NEGR1: variants seen among roughly 807,000 people sequenced by gnomAD.
NEGR1 encodes the protein neuronal growth regulator 1.
In NEGR1, 10 loss-of-function variants were observed where a neutral mutation model predicts 40.9. The observed-to-expected ratio is 0.24, with a 90% CI of 0.15 to 0.42. NEGR1 has a LOEUF of 0.42. Among genes scored for constraint, NEGR1 ranks in the 10% least tolerant of loss-of-function variants. NEGR1 has a pLI of 1.00. For synonymous variants in NEGR1, 185 were observed against 166.8 expected (o/e 1.11, Z -0.84); for missense variants, 352 against 438.9 (o/e 0.80, Z 1.77).
At chr1:71,859,591 T>C (rs1023943890) in intron 2 of NEGR1, among the ~76,000 whole-genome samples, 7 of 152,028 alleles carry the variant, frequency 4.6e-5, no homozygotes, top group Non-Finnish European at 1.0e-4. Context: ...AGAACATGAC[T>C]GCGTTCCGAT....
rs910383644 is a variant in NEGR1, at chr1:71,750,666, T to C, written c.535+25506A>G. ...GGAAAAACCCACCCCCATGATTCAA[T>C]TACCTCCCACTGGGTCCCTCCCATA... On this transcript the variant is annotated intron_variant, in intron 3 of 6. Coordinates refer to ENST00000357731, the MANE Select transcript of NEGR1 (RefSeq NM_173808.3). Among the ~76,000 whole-genome samples the C allele has an allele frequency of 2.0e-5, 3 of 152,100 alleles. No homozygotes were observed. The East Asian group carries it at 5.8e-4, about 29-fold the overall frequency.
intron 1 of NEGR1, among the ~76,000 whole-genome samples, chr1:72,202,967 C>G (rs1653268664): frequency 6.6e-6 from 1 of 151,110 alleles, no homozygotes; most frequent in African/African-American, 2.5e-5. Flanking sequence ...GACTACTTCT[C>G]AGAAAAAAAA....
chr1:72,178,675 C>CGT (rs371294047), intron 1 of NEGR1, among the ~76,000 whole-genome samples: 22 of 151,618 alleles, frequency 1.5e-4, no homozygotes, highest in African/African-American at 5.3e-4. Flanking sequence ...TTTTCTGCAA[C>CGT]CTTGCCAGCG....
chr1:71,572,744 A>T (rs1473145347), intron 6 of NEGR1, among the ~76,000 whole-genome samples: 2 of 152,244 alleles, frequency 1.3e-5, no homozygotes, highest in African/African-American at 4.8e-5. Context: ...TGGAAACAAC[A>T]CTAGTTAATA....
chr1:71,626,833 G>A (rs187430687), intron 4 of NEGR1, among the ~76,000 whole-genome samples: 1 of 152,044 alleles, frequency 6.6e-6, no homozygotes, highest in Admixed American at 6.6e-5. Flanking sequence ...AAAAGTGGGT[G>A]AAGGATATGA....
intron 6 of NEGR1, among the ~76,000 whole-genome samples, chr1:71,457,018 G>A (rs1190520909): frequency 6.6e-6 from 1 of 152,102 alleles, no homozygotes. Context: ...CGGGATTGGT[G>A]TCTGTGGAAA....
At chr1:71,551,785 G>T (rs1557563780) in intron 6 of NEGR1, among the ~76,000 whole-genome samples, 1 of 151,474 alleles carries the variant, frequency 6.6e-6, no homozygotes, top group Non-Finnish European at 1.5e-5. Flanking sequence ...CTGGGAAGAT[G>T]ATCTTAAATG....
intron 4 of NEGR1, among the ~76,000 whole-genome samples, chr1:71,676,200 G>A (rs1446453466): frequency 6.6e-6 from 1 of 152,106 alleles, no homozygotes; most frequent in East Asian, 1.9e-4. Flanking sequence ...TTTTGTGTGT[G>A]TGTGAACATA....
chr1:71,917,377 T>A (rs1661613169), intron 2 of NEGR1, among the ~76,000 whole-genome samples: 1 of 152,194 alleles, frequency 6.6e-6, no homozygotes, highest in African/African-American at 2.4e-5. Flanking sequence ...AACTCCATAT[T>A]TTAAGGCTTC....
intron 1 of NEGR1, among the ~76,000 whole-genome samples, chr1:71,952,661 T>C (rs776231633): frequency 3.3e-5 from 5 of 151,958 alleles, no homozygotes; most frequent in Non-Finnish European, 5.9e-5. Flanking sequence ...TAAAACTGCC[T>C]TTTATTGGAA....
chr1:72,085,170 A>G (rs1648164935), intron 1 of NEGR1, among the ~76,000 whole-genome samples: 1 of 152,234 alleles, frequency 6.6e-6, no homozygotes, highest in African/African-American at 2.4e-5. Context: ...ATATGTTTTT[A>G]TTAGACAGAA....
At chr1:72,090,966 G>A (rs137910548) in intron 1 of NEGR1, among the ~76,000 whole-genome samples, 1 of 152,294 alleles carries the variant, frequency 6.6e-6, no homozygotes, top group East Asian at 1.9e-4. Flanking sequence ...AGCTTGCAGT[G>A]TACATGCAGA....
At chr1:71,519,687 A>T (rs1466815095) in intron 6 of NEGR1, among the ~76,000 whole-genome samples, 2 of 139,462 alleles carry the variant, frequency 1.4e-5, no homozygotes, top group Non-Finnish European at 3.1e-5. Flanking sequence ...TATGTAACTA[A>T]CCTGCACAAT....
intron 6 of NEGR1, among the ~76,000 whole-genome samples, chr1:71,521,689 T>C (rs979517313): frequency 6.6e-6 from 1 of 152,050 alleles, no homozygotes; most frequent in Admixed American, 6.6e-5. Flanking sequence ...TTTCAATATG[T>C]TACCATTAAG....
chr1:71,862,194 G>C (rs983605262), intron 2 of NEGR1, among the ~76,000 whole-genome samples: 1 of 151,962 alleles, frequency 6.6e-6, no homozygotes, highest in Non-Finnish European at 1.5e-5. Flanking sequence ...TTCACAACAT[G>C]CTGGCAAGTT....
chr1:71,450,116 G>T (rs927173969), intron 6 of NEGR1, among the ~76,000 whole-genome samples: 1 of 151,476 alleles, frequency 6.6e-6, no homozygotes, highest in Non-Finnish European at 1.5e-5. Flanking sequence ...TCAGCCACCT[G>T]AGTAGCTGGG....
At chr1:71,894,642 T>A (rs1660914599) in intron 2 of NEGR1, among the ~76,000 whole-genome samples, 1 of 152,244 alleles carries the variant, frequency 6.6e-6, no homozygotes, top group Admixed American at 6.5e-5. Flanking sequence ...AGCTAACTTA[T>A]CAAATACAGG....
chr1:71,749,033 A>C (rs1655482960), intron 3 of NEGR1, among the ~76,000 whole-genome samples: 1 of 152,192 alleles, frequency 6.6e-6, no homozygotes, highest in South Asian at 2.1e-4. Flanking sequence ...AGAACTTGTT[A>C]ACTTAAAATA....
chr1:71,447,413 T>C (rs1270125379), intron 6 of NEGR1, among the ~76,000 whole-genome samples: 1 of 152,218 alleles, frequency 6.6e-6, no homozygotes, highest in East Asian at 1.9e-4. Flanking sequence ...TCCAGTGTCT[T>C]AGGATATAAT....
Sources: allele counts gnomAD v4.1 joint callset (sites outside exome capture counted in the v4.1 genomes callset), GRCh38; gene constraint gnomAD v4.1.1; transcripts MANE v1.5; gene names NCBI Gene and HGNC (gene_info 2026-07-23, HGNC 2026-07-21).